CREB3L1: variants seen among roughly 807,000 people sequenced by gnomAD.
CREB3L1 encodes the protein cAMP responsive element binding protein 3 like 1.
A neutral mutation model predicts 54.5 loss-of-function variants in CREB3L1; 33 were observed. That is an observed-to-expected ratio of 0.61 (90% CI 0.46 to 0.81). The LOEUF is 0.81. Among genes scored for constraint, CREB3L1 ranks in the 30% least tolerant of loss-of-function variants. CREB3L1 has a pLI of 0.00. For missense variants in CREB3L1, 656 were observed against 673.3 expected (o/e 0.97, Z 0.29); for synonymous variants, 284 against 286.4 (o/e 0.99, Z 0.08).
At chr11:46,317,870 A>G (rs1939590035) in intron 10 of CREB3L1, among the ~76,000 whole-genome samples, 1 of 152,186 alleles carries the variant, frequency 6.6e-6, no homozygotes, top group African/African-American at 2.4e-5. Context: ...AGTGAGTTTC[A>G]GCTCAAAAGC....
chr11:46,298,359 C>A (rs1372918970), intron 1 of CREB3L1, among the ~76,000 whole-genome samples: 1 of 152,212 alleles, frequency 6.6e-6, no homozygotes, highest in African/African-American at 2.4e-5. Flanking sequence ...TCTCTTCTGA[C>A]CCACCAGCAA....
At chr11:46,320,118 T>C in intron 10 of CREB3L1, 146 bp from the exon 11 acceptor site, 1 of 883,366 alleles carries the variant, frequency 1.1e-6, no homozygotes. Context: ...AAGCAAAGTG[T>C]GTGGCTTACC....
At chr11:46,281,453 C>T (rs565482455) in intron 1 of CREB3L1, among the ~76,000 whole-genome samples, 83 of 152,284 alleles carry the variant, frequency 5.5e-4, no homozygotes, top group African/African-American at 1.9e-3. Flanking sequence ...CAGAGAAGCC[C>T]CAGCTGGGAG....
Position 46,278,249 on chromosome 11 carries a change from C to A in CREB3L1, c.102+36C>A. On this transcript the variant is annotated intron_variant, in intron 1 of 11. Transcript: ENST00000621158. This position sits in a 1 kb window ranked among gnomAD's most constrained non-coding sequence, Gnocchi z 4.2. ...GGGTCTCCGTTCCCGTTCCACCCCTCGGCACCCGTCCTCGCGGCGCGCCTG... is the reference window on the plus strand; with the variant it reads ...GGGTCTCCGTTCCCGTTCCACCCCTAGGCACCCGTCCTCGCGGCGCGCCTG... 2 of 1,394,984 alleles carry A rather than the reference C, an allele frequency of 1.4e-6. No homozygotes were observed. The highest frequency in any genetic ancestry group is 1.4e-5 in the African/African-American group (1 of 69,174). The allele number at this position is 1,394,984 out of a possible 1,614,324, so 86.4% of individuals were successfully genotyped here. A position where few individuals can be genotyped will look rare whatever the true frequency, so the allele number is the denominator to read the frequency against.
Position 46,278,291 on chromosome 11 carries a change from C to G in CREB3L1, c.102+78C>G. The G allele has an allele frequency of 1.2e-6, 1 of 855,950 alleles. No homozygotes were observed. 53.0% of individuals were successfully genotyped at this position (855,950 alleles called of 1,614,324 possible). ...GCGCGCCTGGGCCCCTAGAAGGACC[C>G]GACTACACATCACTGGGCAGGAGCC... On this transcript the variant is annotated intron_variant, in intron 1 of 11. Coordinates refer to ENST00000621158, the MANE Select transcript of CREB3L1 (RefSeq NM_052854.4). The surrounding 1 kb of genome is among the most constrained non-coding windows in gnomAD (Gnocchi z 4.2).
intron 11 of CREB3L1, 39 bp downstream of exon 11, chr11:46,320,567 C>T: frequency 6.4e-7 from 1 of 1,552,702 alleles, no homozygotes; most frequent in South Asian, 1.2e-5. Context: ...AGGTCTCAGG[C>T]TCCACCTGCC....
At chr11:46,288,273 G>A (rs1309513149) in intron 1 of CREB3L1, among the ~76,000 whole-genome samples, 1 of 152,006 alleles carries the variant, frequency 6.6e-6, no homozygotes. Flanking sequence ...GCAGAGATGG[G>A]GTTTTGTTAT....
intron 1 of CREB3L1, among the ~76,000 whole-genome samples, chr11:46,296,776 T>G (rs1939216865): frequency 6.6e-6 from 1 of 152,146 alleles, no homozygotes; most frequent in South Asian, 2.1e-4. Context: ...GCCCTCCCCT[T>G]CCACTTGGCT....
At position 46,309,344 on chromosome 11, in the gene CREB3L1, T is replaced by C. The variant is rs116020893; in HGVS notation, c.517-645T>C. The stretch of plus-strand genomic sequence containing the variant: ...AGACAGAGCACCACTTACTTGCATG[T>C]TGGTAGTCATGTGTACAAAGCCATG... On this transcript the variant is annotated intron_variant, in intron 3 of 11. Coordinates refer to ENST00000621158, the MANE Select transcript of CREB3L1 (RefSeq NM_052854.4). 3.6e-3 allele frequency among the ~76,000 whole-genome samples: 546 copies of C among 152,338 alleles called. 6 individuals are homozygous for C. The highest frequency in any genetic ancestry group is 0.013 in the African/African-American group (529 of 41,572).
intron 1 of CREB3L1, among the ~76,000 whole-genome samples, chr11:46,288,731 C>G (rs1343939695): frequency 6.6e-6 from 1 of 152,142 alleles, no homozygotes. Flanking sequence ...GTATCTGGCC[C>G]TGGACTAGGT....
intron 3 of CREB3L1, among the ~76,000 whole-genome samples, chr11:46,308,342 A>C (rs1297681021): frequency 6.6e-6 from 1 of 152,228 alleles, no homozygotes; most frequent in East Asian, 1.9e-4. Flanking sequence ...CTTTTCTCAA[A>C]GCTTCAGTAT....
intron 1 of CREB3L1, among the ~76,000 whole-genome samples, chr11:46,294,730 C>A (rs1939178845): frequency 6.6e-6 from 1 of 152,116 alleles, no homozygotes; most frequent in Non-Finnish European, 1.5e-5. Flanking sequence ...CTCACCACTC[C>A]CCGCCCCCTA....
chr11:46,293,876 A>C (rs1208635126), intron 1 of CREB3L1, among the ~76,000 whole-genome samples: 1 of 152,168 alleles, frequency 6.6e-6, no homozygotes, highest in Non-Finnish European at 1.5e-5. Flanking sequence ...GTGTGAGCGT[A>C]GGGGTGTGAA....
At chr11:46,300,196 G>T (rs1156646034) in intron 2 of CREB3L1, 33 bp downstream of exon 2, 2 of 1,465,388 alleles carry the variant, frequency 1.4e-6, no homozygotes, top group East Asian at 4.8e-5. Context: ...GACAGCACAG[G>T]CCCAGGAGGC....
rs527719319 is a variant in CREB3L1, at chr11:46,278,013, G to T, written c.-99G>T. On this transcript the variant is annotated 5_prime_UTR_variant, in exon 1 of 12. Transcript: ENST00000621158. The surrounding 1 kb of genome is among the most constrained non-coding windows in gnomAD (Gnocchi z 4.2). ...GGGCTTCGCCCCGGACCTGCCCCCC[G>T]CCCGTTTGCCAGCGCTCAGGCAGGA... 31 of 298,710 alleles carry T rather than the reference G, an allele frequency of 1.0e-4. No individual in the cohort carries two copies. Among genetic ancestry groups the T allele is most frequent in the Admixed American group, 2.8e-4 (5 of 17,692 alleles). 18.5% of individuals were successfully genotyped at this position (298,710 alleles called of 1,614,324 possible). A position where few individuals can be genotyped will look rare whatever the true frequency, so the allele number is the denominator to read the frequency against.
chr11:46,281,616 G>A (rs1400132667), intron 1 of CREB3L1, among the ~76,000 whole-genome samples: 2 of 152,224 alleles, frequency 1.3e-5, no homozygotes, highest in Non-Finnish European at 2.9e-5. Context: ...GACCAGCCCA[G>A]CATTGCGGGG....
chr11:46,297,029 A>C (rs1226110339), intron 1 of CREB3L1, among the ~76,000 whole-genome samples: 2 of 152,176 alleles, frequency 1.3e-5, no homozygotes, highest in African/African-American at 4.8e-5. Flanking sequence ...GCAAACCCTT[A>C]TCGCCTGAGA....
At chr11:46,319,050 C>T (rs1939608834) in intron 10 of CREB3L1, among the ~76,000 whole-genome samples, 1 of 152,120 alleles carries the variant, frequency 6.6e-6, no homozygotes, top group African/African-American at 2.4e-5. Context: ...CCACAGAAGC[C>T]ACTGGAGAAA....
In CREB3L1 at chr11:46,320,256, C is replaced by T. The variant is rs778657586; in HGVS notation, c.1259-8C>T. On this transcript the variant is annotated splice_polypyrimidine_tract_variant and splice_region_variant and intron_variant, in intron 10 of 11. Transcript: ENST00000621158. Reference sequence around the variant, plus strand: ...GGGCACACCGCTCATCCTACACTCCCTCTCCAGTGCCCTCCCGAAGCCTCC... The same window carrying T: ...GGGCACACCGCTCATCCTACACTCCTTCTCCAGTGCCCTCCCGAAGCCTCC... 1.3e-6 allele frequency: 2 copies of T among 1,587,578 alleles called. No homozygotes were observed. Among genetic ancestry groups the T allele is most frequent in the Non-Finnish European group, 1.7e-6 (2 of 1,166,758 alleles).
Sources: gnomAD v4.1 joint callset for allele counts (sites outside exome capture counted in the v4.1 genomes callset) on GRCh38, gnomAD v4.1.1 for gene constraint, Gnocchi (gnomAD v3.1) non-coding constraint, MANE v1.5 for transcripts, NCBI Gene and HGNC (gene_info 2026-07-23, HGNC 2026-07-21) for gene names.